The following FGL1 variants were observed in gnomAD, a reference collection of about 807,000 sequenced individuals.
FGL1 encodes the protein fibrinogen-like protein 1.
A neutral mutation model predicts 43.7 loss-of-function variants in FGL1; 59 were observed. The observed-to-expected ratio is 1.35, with a 90% CI of 1.10 to 1.68. FGL1 has a LOEUF of 1.68. FGL1 is among the 40% of genes most tolerant of loss of function. The pLI is 0.00. For missense variants in FGL1, 596 were observed against 373.0 expected, an observed-to-expected ratio of 1.60 and a Z score of -4.92; for synonymous variants, 192 against 126.5, an observed-to-expected ratio of 1.52 and a Z score of -3.48.
intron 7 of FGL1, among the ~76,000 whole-genome samples, chr8:17,865,880 C>G (rs1563445030): frequency 6.6e-6 from 1 of 152,126 alleles, no homozygotes; most frequent in Non-Finnish European, 1.5e-5. Flanking sequence ...GCTTGAATCA[C>G]TTATCAGCTT....
rs755347891 is a variant in FGL1, at chr8:17,874,411, C to T, written c.355G>A (p.Gly119Arg). ...GATCGTCTCTGAATTACAGTCCATC[C>T]TCCTCCATCGGACATGTCACAATAA... is the stretch of plus-strand genomic sequence containing the variant. ...SVYCDMSDGGGWTVIQRRSDG... is the reference protein window; with the variant it reads ...SVYCDMSDGGRWTVIQRRSDG... Residue 119 changes from glycine (G) to arginine (R), a missense_variant, in exon 4 of 8, where the codon GGA (glycine) becomes AGA (arginine). Physicochemically the swap from Gly to Arg is moderately radical, Grantham distance 125. Coordinates refer to ENST00000427924, the MANE Select transcript of FGL1 (RefSeq NM_004467.4). 1 of 1,614,118 alleles carries T rather than the reference C, an allele frequency of 6.2e-7. No individual in the cohort carries two copies. The highest frequency in any genetic ancestry group is 2.2e-5 in the East Asian group (1 of 44,870).
chr8:17,889,108 AC>A (rs2053669132), intron 1 of FGL1, among the ~76,000 whole-genome samples: 1 of 152,144 alleles, frequency 6.6e-6, no homozygotes, highest in Non-Finnish European at 1.5e-5. Flanking sequence ...AGTAGAATGT[AC>A]CTCTGCAAGG....
intron 2 of FGL1, 43 bp from the exon 3 acceptor site, chr8:17,882,222 A>T: frequency 2.7e-6 from 4 of 1,505,880 alleles, no homozygotes; most frequent in Non-Finnish European, 3.6e-6. Context: ...CCTCATTTTC[A>T]TGGAAAACAA....
intron 2 of FGL1, among the ~76,000 whole-genome samples, chr8:17,885,165 C>T (rs1015456254): frequency 1.1e-4 from 17 of 151,826 alleles, no homozygotes; most frequent in African/African-American, 3.9e-4. Flanking sequence ...CTCAGCCTCA[C>T]GAGTAGCTAG....
chr8:17,864,841 AT>A (rs2053246336), intron 7 of FGL1, 90 bp from the exon 8 acceptor site: 2 of 1,157,304 alleles, frequency 1.7e-6, no homozygotes, highest in African/African-American at 3.2e-5. Context: ...AATGCTCAAA[AT>A]TTTTGAACTA....
At chr8:17,877,613 G>GAA (rs36113738) in intron 3 of FGL1, among the ~76,000 whole-genome samples, 71 of 148,258 alleles carry the variant, frequency 4.8e-4, no homozygotes, top group South Asian at 2.8e-3. Flanking sequence ...GCAACATAAG[G>GAA]AAAAAAAAAA....
Position 17,874,488 on chromosome 8 carries a change from A to C in FGL1, c.278T>G (p.Leu93Arg). The change falls in exon 4 of 8, where the codon CTC becomes CGC. Residue 93 changes from leucine (L) to arginine (R), a missense_variant. Coordinates refer to ENST00000427924, the MANE Select transcript of FGL1 (RefSeq NM_004467.4). ...CSEIFNDGYK[L>R]SGFYKIKPLQ... ...AGGTTTGATTTTGTAAAATCCACTG[A>C]GCTTATACCCATCATTGAAAATCTC... The C allele has an allele frequency of 6.2e-7, 1 of 1,611,418 alleles. No homozygotes were observed. The highest frequency in any genetic ancestry group is 8.5e-7 in the Non-Finnish European group (1 of 1,179,080).
At chr8:17,867,297 A>G (rs2053283861) in intron 7 of FGL1, among the ~76,000 whole-genome samples, 2 of 152,216 alleles carry the variant, frequency 1.3e-5, no homozygotes, top group Admixed American at 1.3e-4. Flanking sequence ...ACTGAAAGAC[A>G]TGATATAGAT....
intron 1 of FGL1, among the ~76,000 whole-genome samples, chr8:17,887,608 G>A (rs1049284079): frequency 6.6e-6 from 1 of 152,174 alleles, no homozygotes; most frequent in Non-Finnish European, 1.5e-5. Flanking sequence ...CCAGCACTTC[G>A]AGAGGCCGAG....
intron 6 of FGL1, 80 bp from the exon 7 acceptor site, chr8:17,868,815 G>C: frequency 2.0e-6 from 3 of 1,483,254 alleles, no homozygotes; most frequent in Non-Finnish European, 2.7e-6. Context: ...ATAAACAAAA[G>C]AACAGGTTCT....
intron 5 of FGL1, among the ~76,000 whole-genome samples, chr8:17,872,562 C>G (rs776865734): frequency 6.6e-6 from 1 of 152,176 alleles, no homozygotes; most frequent in Non-Finnish European, 1.5e-5. Flanking sequence ...CTCAGCATCC[C>G]AAAGTGCTGG....
At chr8:17,893,009 G>A (rs2129442408) in intron 1 of FGL1, among the ~76,000 whole-genome samples, 1 of 152,236 alleles carries the variant, frequency 6.6e-6, no homozygotes, top group East Asian at 1.9e-4. Flanking sequence ...GACCAGCATG[G>A]CCAACATGGC....
intron 6 of FGL1, 40 bp from the exon 7 acceptor site, chr8:17,868,775 C>G (rs2078897974): frequency 6.5e-7 from 1 of 1,549,560 alleles, no homozygotes; most frequent in Non-Finnish European, 8.7e-7. Context: ...TGGAGTTCCT[C>G]TATGACCATT....
intron 1 of FGL1, among the ~76,000 whole-genome samples, chr8:17,890,719 G>A (rs2053691612): frequency 6.6e-6 from 1 of 152,158 alleles, no homozygotes; most frequent in African/African-American, 2.4e-5. Context: ...CATGACTGGG[G>A]AGGCCCCAGG....
intron 5 of FGL1, among the ~76,000 whole-genome samples, chr8:17,869,839 G>C (rs1459436032): frequency 1.3e-5 from 2 of 152,206 alleles, no homozygotes; most frequent in Non-Finnish European, 2.9e-5. Context: ...GGCCGGGGCG[G>C]TGGCTCACGC....
intron 2 of FGL1, 159 bp from the exon 3 acceptor site, chr8:17,882,338 C>T (rs752543007): frequency 1.1e-5 from 6 of 569,648 alleles, no homozygotes; most frequent in African/African-American, 3.8e-5. Context: ...CTAATACTGC[C>T]TACTATTTGA....
chr8:17,882,756 A>AACAATATATAATATATAG (rs1563457532), intron 2 of FGL1: 5 of 95,722 alleles, frequency 5.2e-5, no homozygotes, highest in African/African-American at 1.6e-4. Flanking sequence ...AATATATATA[A>AACAATATATAATATATAG]TATATAATAT....
rs775263294 is a variant in FGL1 at position 17,868,582 on chromosome 8, C to T, written c.745G>A (p.Ala249Thr). Residue 249 changes from alanine (A) to threonine (T), a missense_variant, in exon 7 of 8, where the codon GCA becomes ACA. By Grantham distance (58) the Ala-to-Thr change is moderately conservative. Transcript: ENST00000427924. ...CACCAGCCAGACTGATCTTCTTCTG[C>T]GCAGTTCCCTTCATAGTTGTCATGA... ...RDHDNYEGNC[A>T]EEDQSGWWFN... 1.5e-5 allele frequency: 24 copies of T among 1,613,670 alleles called. No homozygotes were observed. Among genetic ancestry groups the T allele is most frequent in the African/African-American group, 4.0e-5 (3 of 74,902 alleles).
intron 2 of FGL1, among the ~76,000 whole-genome samples, chr8:17,883,589 A>T (rs1177343133): frequency 1.7e-5 from 2 of 121,066 alleles, no homozygotes; most frequent in South Asian, 4.7e-4. Flanking sequence ...TAATATACGT[A>T]TATATAAAAT....
Sources: gnomAD v4.1 joint callset for allele counts (sites outside exome capture counted in the v4.1 genomes callset) on GRCh38, gnomAD v4.1.1 for gene constraint, MANE v1.5 for transcripts, NCBI Gene and HGNC (gene_info 2026-07-23, HGNC 2026-07-21) for gene names.